Variants in DTNA observed in about 807,000 individuals in gnomAD.
The protein encoded by DTNA is dystrophin-related protein 3.
Under a neutral mutation model 100.7 loss-of-function variants are expected in DTNA, and 43 were observed. The ratio of observed to expected loss-of-function variants is 0.43; its 90% confidence interval spans 0.33 to 0.55. The LOEUF is 0.55. Ranked by LOEUF, DTNA falls within the 20% of genes least tolerant of loss-of-function variation. DTNA has a pLI of 0.04. For missense variants in DTNA, 798 were observed against 953.9 expected (o/e 0.84, Z 2.15); for synonymous variants, 349 against 347.9 (o/e 1.00, Z -0.04).
At chr18:34,510,223 A>C (rs976559012) in intron 1 of DTNA, among the ~76,000 whole-genome samples, 2 of 151,670 alleles carry the variant, frequency 1.3e-5, no homozygotes, top group Admixed American at 6.6e-5. Context: ...GAACAGTGCT[A>C]ATCTATGCCA....
At chr18:34,700,050 A>T (rs2081155429) in intron 1 of DTNA, among the ~76,000 whole-genome samples, 1 of 152,158 alleles carries the variant, frequency 6.6e-6, no homozygotes, top group Non-Finnish European at 1.5e-5. Flanking sequence ...AAATCAGCAG[A>T]CCTCCAAGCA....
chr18:34,523,201 C>T (rs1490487715), intron 1 of DTNA, among the ~76,000 whole-genome samples: 1 of 152,118 alleles, frequency 6.6e-6, no homozygotes, highest in Non-Finnish European at 1.5e-5. Context: ...GGAGAATCAC[C>T]AATATACTCC....
At chr18:34,788,473 C>T (rs995938802) in intron 3 of DTNA, among the ~76,000 whole-genome samples, 2 of 152,036 alleles carry the variant, frequency 1.3e-5, no homozygotes, top group Non-Finnish European at 2.9e-5. Context: ...ATTTTACAGG[C>T]GAGGAAACTG....
intron 1 of DTNA, among the ~76,000 whole-genome samples, chr18:34,614,791 ACT>A (rs906770086): frequency 5.3e-5 from 8 of 152,210 alleles, no homozygotes; most frequent in Non-Finnish European, 8.8e-5. Context: ...CCTGGTCAAG[ACT>A]CTGTCAACAT....
rs1434467565 is a variant in DTNA at position 34,769,660 on chromosome 18, G to T, written c.148+3619G>T. On this transcript the variant is annotated intron_variant, in intron 3 of 22. Transcript: ENST00000444659. ...GGTATCTAGGGAGGGCAGCCTTCTG[G>T]TTCATAGGTGGCCCCTTTTCACTGT... 2.0e-5 allele frequency among the ~76,000 whole-genome samples: 3 copies of T among 150,684 alleles called. No homozygotes were observed. In the East Asian group the frequency reaches 5.9e-4, roughly 30 times the overall value.
At chr18:34,736,075 T>G (rs545542608) in intron 1 of DTNA, among the ~76,000 whole-genome samples, 1 of 152,326 alleles carries the variant, frequency 6.6e-6, no homozygotes, top group East Asian at 1.9e-4. Context: ...GTCTATACCA[T>G]GAAGTTGGAA....
intron 1 of DTNA, among the ~76,000 whole-genome samples, chr18:34,599,991 A>G (rs1158387715): frequency 1.3e-5 from 2 of 152,068 alleles, no homozygotes; most frequent in African/African-American, 4.8e-5. Context: ...AAATTTCTTT[A>G]TGTATCTTTC....
intron 17 of DTNA, chr18:34,866,037 T>C: frequency 6.4e-7 from 1 of 1,552,820 alleles, no homozygotes; most frequent in Non-Finnish European, 8.9e-7. Context: ...CCATCTTGCG[T>C]TCCTTCACAC....
intron 3 of DTNA, among the ~76,000 whole-genome samples, chr18:34,789,642 T>G (rs77593914): frequency 6.6e-6 from 1 of 152,236 alleles, no homozygotes; most frequent in African/African-American, 2.4e-5. Flanking sequence ...CAATCTACCA[T>G]AGTGTTTGCA....
rs74714398 is a variant in DTNA, at chr18:34,525,539, A to G, written c.-2+32025A>G. On this transcript the variant is annotated intron_variant, in intron 1 of 19. Coordinates refer to the DTNA transcript ENST00000283365. Reference sequence around the variant, plus strand: ...GAGGAAATGTTTAGATCTTTGGTTCATAAGTTTTGAAAATGCATTGTAAGA... The same window carrying G: ...GAGGAAATGTTTAGATCTTTGGTTCGTAAGTTTTGAAAATGCATTGTAAGA... Among the ~76,000 whole-genome samples the G allele has an allele frequency of 6.5e-3, 993 of 152,254 alleles. 14 individuals are homozygous for G. Among genetic ancestry groups the G allele is most frequent in the African/African-American group, 0.023 (952 of 41,550 alleles).
rs181228906 is a variant in DTNA, at chr18:34,826,369, C to A, written c.1002-1224C>A. The stretch of plus-strand genomic sequence containing the variant: ...CTGTACCATATTTGTGATCTTTTAT[C>A]CCTAACCCCAGAGACTTATTCTAAG... On this transcript the variant is annotated intron_variant, in intron 9 of 22. Transcript: ENST00000444659. 1.9e-3 allele frequency among the ~76,000 whole-genome samples: 282 copies of A among 152,146 alleles called. 3 individuals are homozygous for A. The highest frequency in any genetic ancestry group is 6.1e-3 in the African/African-American group (254 of 41,526).
chr18:34,636,818 T>C (rs1402676172), intron 1 of DTNA, among the ~76,000 whole-genome samples: 1 of 152,146 alleles, frequency 6.6e-6, no homozygotes, highest in Non-Finnish European at 1.5e-5. Flanking sequence ...GAATCCAAAA[T>C]TGTGACTATG....
chr18:34,761,200 G>A (rs1391588868), intron 2 of DTNA, among the ~76,000 whole-genome samples: 1 of 151,626 alleles, frequency 6.6e-6, no homozygotes, highest in Non-Finnish European at 1.5e-5. Context: ...GCAGAGTTCA[G>A]GCAGCAGGTT....
chr18:34,596,168 C>T (rs567206255), intron 1 of DTNA, among the ~76,000 whole-genome samples: 2 of 152,234 alleles, frequency 1.3e-5, no homozygotes, highest in East Asian at 3.9e-4. Flanking sequence ...GCCAAATCTT[C>T]ACCATCTTAC....
At chr18:34,658,233 A>T (rs1182847712) in intron 1 of DTNA, among the ~76,000 whole-genome samples, 2 of 152,246 alleles carry the variant, frequency 1.3e-5, no homozygotes, top group Non-Finnish European at 2.9e-5. Flanking sequence ...ATTTACTAGC[A>T]GTGACAAATC....
chr18:34,676,793 G>A (rs138884479), intron 1 of DTNA, among the ~76,000 whole-genome samples: 1 of 152,314 alleles, frequency 6.6e-6, no homozygotes, highest in Non-Finnish European at 1.5e-5. Flanking sequence ...CCACGATCAT[G>A]CCACTGCACT....
chr18:34,803,993 C>T lies in DTNA; in HGVS notation c.363-2226C>T, dbSNP rs181160983. Among the ~76,000 whole-genome samples, 15 of 152,292 alleles carry T rather than the reference C, an allele frequency of 9.8e-5. No homozygotes were observed. In the East Asian group the frequency reaches 2.7e-3, roughly 27 times the overall value. ...ACATCATCTCTGCACTGAAGGATCT[C>T]ACAATGTAGAATCCAGTCACATTGT... On this transcript the variant is annotated intron_variant, in intron 4 of 22. Coordinates refer to ENST00000444659, the MANE Select transcript of DTNA (RefSeq NM_001386795.1).
At position 34,727,261 on chromosome 18, in the gene DTNA, G is replaced by C. The variant is rs1355139636; in HGVS notation, c.-2+16816G>C. 2.6e-5 allele frequency among the ~76,000 whole-genome samples: 4 copies of C among 152,300 alleles called. No homozygotes were observed. The South Asian group carries it at 8.3e-4, about 32-fold the overall frequency. ...TGGGAGGACTGTCCTGAAGCCTTCT[G>C]AAATGCTTTTAAGGCCTTTTTCCCA... On this transcript the variant is annotated intron_variant, in intron 1 of 22. Coordinates refer to ENST00000444659, the MANE Select transcript of DTNA (RefSeq NM_001386795.1).
At chr18:34,817,603 A>G (rs1002075762) in intron 7 of DTNA, among the ~76,000 whole-genome samples, 5 of 152,188 alleles carry the variant, frequency 3.3e-5, no homozygotes, top group Admixed American at 1.3e-4. Flanking sequence ...TGTTTGTCAG[A>G]TGTAGGCAAC....
Sources: allele counts gnomAD v4.1 joint callset (sites outside exome capture counted in the v4.1 genomes callset), GRCh38; gene constraint gnomAD v4.1.1; transcripts MANE v1.5; gene names NCBI Gene and HGNC (gene_info 2026-07-23, HGNC 2026-07-21).